CDC14B: variants seen among roughly 807,000 people sequenced by gnomAD.
The protein encoded by CDC14B is dual specificity protein phosphatase CDC14B.
Under a neutral mutation model 64.2 loss-of-function variants are expected in CDC14B, and 22 were observed. That is an observed-to-expected ratio of 0.34 (90% CI 0.24 to 0.49). CDC14B has a LOEUF of 0.49. Ranked by LOEUF, CDC14B falls within the 20% of genes least tolerant of loss-of-function variation. CDC14B has a pLI of 0.99. For missense variants in CDC14B, 498 were observed against 629.9 expected, an observed-to-expected ratio of 0.79 and a Z score of 2.24; for synonymous variants, 191 against 215.8, an observed-to-expected ratio of 0.89 and a Z score of 1.01.
At chr9:96,618,740 G>A (rs1847797895) in intron 1 of CDC14B, 2 of 380,926 alleles carry the variant, frequency 5.3e-6, no homozygotes, top group African/African-American at 2.1e-5. Context: ...AGCAGCGGGG[G>A]TTTGGCCAAC....
At chr9:96,582,934 C>T (rs1456649427) in intron 1 of CDC14B, among the ~76,000 whole-genome samples, 1 of 152,132 alleles carries the variant, frequency 6.6e-6, no homozygotes, top group Non-Finnish European at 1.5e-5. Flanking sequence ...AAGGATAAAA[C>T]ATATATGATT....
At chr9:96,514,379 G>A (rs1157623810) in intron 12 of CDC14B, 1 of 966,930 alleles carries the variant, frequency 1.0e-6, no homozygotes, top group Admixed American at 6.2e-5. Flanking sequence ...ACTAAGAGAA[G>A]TAAAGAAGAA....
intron 1 of CDC14B, among the ~76,000 whole-genome samples, chr9:96,598,952 T>G (rs1285936185): frequency 6.6e-6 from 1 of 152,226 alleles, no homozygotes; most frequent in African/African-American, 2.4e-5. Context: ...GAAATAAAGT[T>G]GAAATCTTTC....
chr9:96,563,654 GGAAAAAAA>G (rs1031014113), intron 3 of CDC14B, among the ~76,000 whole-genome samples: 2 of 114,720 alleles, frequency 1.7e-5, no homozygotes, highest in African/African-American at 1.4e-4. Flanking sequence ...CTGTCTCACG[GGAAAAAAA>G]AAAAAAAAAA....
intron 4 of CDC14B, among the ~76,000 whole-genome samples, chr9:96,557,710 T>C (rs770818856): frequency 1.3e-5 from 2 of 152,192 alleles, no homozygotes; most frequent in Non-Finnish European, 2.9e-5. Flanking sequence ...GCTTACAAGG[T>C]AAGCCATTCT....
chr9:96,566,777 C>A (rs1844047180), intron 1 of CDC14B: 1 of 1,607,378 alleles, frequency 6.2e-7, no homozygotes, highest in Non-Finnish European at 8.5e-7. Flanking sequence ...CCTTTGATCA[C>A]CTCGGCTACC....
intron 4 of CDC14B, among the ~76,000 whole-genome samples, chr9:96,561,039 G>A (rs747614487): frequency 6.6e-5 from 10 of 151,600 alleles, no homozygotes; most frequent in Non-Finnish European, 1.5e-4. Flanking sequence ...TGGATTCAAG[G>A]GATTCTCCTG....
At chr9:96,543,911 T>C (rs947083084) in intron 5 of CDC14B, among the ~76,000 whole-genome samples, 7 of 152,198 alleles carry the variant, frequency 4.6e-5, no homozygotes, top group Non-Finnish European at 8.8e-5. Context: ...ACCTTACTAC[T>C]GTACACTTAA....
At chr9:96,536,023 G>C (rs1839217693) in intron 7 of CDC14B, among the ~76,000 whole-genome samples, 1 of 152,222 alleles carries the variant, frequency 6.6e-6, no homozygotes, top group African/African-American at 2.4e-5. Context: ...CCCGTGATCA[G>C]TTGTTGGCAA....
At chr9:96,580,006 G>C (rs76071577) in intron 1 of CDC14B, among the ~76,000 whole-genome samples, 2 of 151,676 alleles carry the variant, frequency 1.3e-5, no homozygotes, top group African/African-American at 2.4e-5. Context: ...CTATTTCTAT[G>C]AAAATCTTAA....
At chr9:96,514,888 G>A in intron 12 of CDC14B, 2 of 985,346 alleles carry the variant, frequency 2.0e-6, no homozygotes, top group Non-Finnish European at 2.4e-6. Context: ...TTTCAAAGAT[G>A]AAAGATCTCA....
intron 1 of CDC14B, among the ~76,000 whole-genome samples, chr9:96,617,539 C>T (rs1847707907): frequency 6.6e-6 from 1 of 152,030 alleles, no homozygotes; most frequent in Non-Finnish European, 1.5e-5. Flanking sequence ...TTATATGCAC[C>T]AACTCAGAAC....
intron 5 of CDC14B, among the ~76,000 whole-genome samples, chr9:96,549,040 G>C (rs1424067663): frequency 2.0e-5 from 3 of 152,004 alleles, no homozygotes; most frequent in African/African-American, 7.3e-5. Flanking sequence ...ATTCTGATTG[G>C]ACTACTTTCT....
intron 1 of CDC14B, among the ~76,000 whole-genome samples, chr9:96,610,098 TACACACAC>T (rs570379220): frequency 1.5e-4 from 22 of 149,570 alleles, no homozygotes; most frequent in African/African-American, 4.4e-4. Context: ...GATATATAGA[TACACACAC>T]ACACACACAC....
intron 9 of CDC14B, among the ~76,000 whole-genome samples, chr9:96,533,336 A>G (rs1838784697): frequency 6.6e-6 from 1 of 152,216 alleles, no homozygotes; most frequent in Non-Finnish European, 1.5e-5. Context: ...TAATTTTTCA[A>G]TAAAAACTGA....
In CDC14B at chr9:96,515,499, T is replaced by A; in HGVS notation, c.1344-5710A>T. 5.8e-6 allele frequency: 4 copies of A among 688,544 alleles called. No homozygotes were observed. The highest frequency in any genetic ancestry group is 6.9e-6 in the Non-Finnish European group (3 of 436,546). 42.7% of individuals were successfully genotyped at this position (688,544 alleles called of 1,614,324 possible). A position where few individuals can be genotyped will look rare whatever the true frequency, so the allele number is the denominator to read the frequency against. On this transcript the variant is annotated intron_variant, in intron 12 of 13. Transcript: ENST00000375241. This position sits in a 1 kb window ranked among gnomAD's most constrained non-coding sequence, Gnocchi z 4.3. ...AGCCCACCTTCCCTCCCCACCACCA[T>A]CCCATTAATTGAAAAGATTCAGAAA...
At chr9:96,497,612 G>T (rs1323753926), downstream of CDC14B, among the ~76,000 whole-genome samples, 1 of 152,232 alleles carries the variant, frequency 6.6e-6, no homozygotes, top group African/African-American at 2.4e-5. Flanking sequence ...CACAACAGCT[G>T]CTAACGGGAG....
At chr9:96,567,032 G>C in intron 1 of CDC14B, 1 of 1,320,756 alleles carries the variant, frequency 7.6e-7, no homozygotes, top group Non-Finnish European at 1.0e-6. Flanking sequence ...GCGCGACGAG[G>C]CCGTGGGGAC....
chr9:96,495,109 C>T (rs1833193941), downstream of CDC14B, among the ~76,000 whole-genome samples: 1 of 152,092 alleles, frequency 6.6e-6, no homozygotes, highest in South Asian at 2.1e-4. Flanking sequence ...GCTGGGATTA[C>T]AGGCGTGAGC....
Sources: gnomAD v4.1 joint callset for allele counts (sites outside exome capture counted in the v4.1 genomes callset) on GRCh38, gnomAD v4.1.1 for gene constraint, Gnocchi (gnomAD v3.1) non-coding constraint, MANE v1.5 for transcripts, NCBI Gene and HGNC (gene_info 2026-07-23, HGNC 2026-07-21) for gene names.